Variants in DPY19L3 observed in about 807,000 individuals in gnomAD.
The protein encoded by DPY19L3 is dpy-19 like C-mannosyltransferase 3.
DPY19L3 carries 51 observed loss-of-function variants against 92.3 expected under a neutral mutation model. The ratio of observed to expected loss-of-function variants is 0.55; its 90% CI spans 0.44 to 0.70. The LOEUF (loss-of-function observed/expected upper bound fraction) is 0.70. DPY19L3 is among the 30% of genes least tolerant of loss of function. The pLI, the probability that DPY19L3 is intolerant of heterozygous loss-of-function variation, is 0.00. For synonymous variants in DPY19L3, 309 were observed against 315.2 expected (o/e 0.98, Z 0.21); for missense variants, 706 against 855.9 (o/e 0.82, Z 2.18).
intron 12 of DPY19L3, among the ~76,000 whole-genome samples, chr19:32,459,187 A>G (rs985000139): frequency 2.0e-5 from 3 of 152,246 alleles, no homozygotes; most frequent in Admixed American, 1.3e-4. Context: ...AAAGAAAAAA[A>G]TCAGGAGTAT....
chr19:32,437,584 C>T (rs1969184139), intron 6 of DPY19L3, among the ~76,000 whole-genome samples: 1 of 152,080 alleles, frequency 6.6e-6, no homozygotes, highest in African/African-American at 2.4e-5. Flanking sequence ...TCATAATAAT[C>T]CCAAACCTAT....
chr19:32,454,860 C>A, intron 9 of DPY19L3, 79 bp from the exon 10 acceptor site: 1 of 936,984 alleles, frequency 1.1e-6, no homozygotes, highest in South Asian at 1.6e-5. Flanking sequence ...GTTTTTAAAT[C>A]CTTAAGTAAG....
intron 8 of DPY19L3, among the ~76,000 whole-genome samples, chr19:32,451,422 T>C (rs1009823177): frequency 2.6e-5 from 4 of 152,170 alleles, no homozygotes; most frequent in South Asian, 2.1e-4. Context: ...AGATACATTA[T>C]CTTTATGATC....
chr19:32,440,192 A>AAT (rs1375980746), intron 8 of DPY19L3, among the ~76,000 whole-genome samples: 4 of 152,256 alleles, frequency 2.6e-5, no homozygotes, highest in Admixed American at 2.6e-4. Context: ...TAAATTTTAA[A>AAT]ATATAAGATA....
At position 32,463,894 on chromosome 19, in the gene DPY19L3, A is replaced by G. The variant is rs1275470224; in HGVS notation, c.1471A>G (p.Met491Val). 9 of 1,613,360 alleles carry G rather than the reference A, an allele frequency of 5.6e-6. No homozygotes were observed. The South Asian group carries it at 7.7e-5, about 14-fold the overall frequency. The change falls in exon 14 of 19, where the codon ATG (methionine) becomes GTG (valine). Residue 491 changes from methionine (M) to valine (V), a missense_variant. Physicochemically the swap from Met to Val is conservative, Grantham distance 21. Coordinates refer to ENST00000392250, the MANE Select transcript of DPY19L3 (RefSeq NM_001172774.2). ...MRMKYLWTSH[M>V]CVFASFGLCS... Reference sequence around the variant, plus strand: ...AATGAAGTACCTCTGGACGTCACACATGTGTGTGTTCGCATCATTCGGCCT... The same window carrying G: ...AATGAAGTACCTCTGGACGTCACACGTGTGTGTGTTCGCATCATTCGGCCT...
intron 13 of DPY19L3, 60 bp from the exon 14 acceptor site, chr19:32,463,809 C>A: frequency 7.0e-7 from 1 of 1,426,016 alleles, no homozygotes; most frequent in Non-Finnish European, 9.9e-7. Context: ...ATAGGTGTCT[C>A]AGAATCCAGG....
Position 32,408,352 on chromosome 19 carries a change from A to T in DPY19L3, c.99A>T (p.Pro33=), listed in dbSNP as rs374694481. 1 of 1,612,120 alleles carries T rather than the reference A, an allele frequency of 6.2e-7. No homozygotes were observed. The highest frequency in any genetic ancestry group is 1.3e-5 in the African/African-American group (1 of 74,976). ...EENVKLENKL[P]SGCTSRRLWK... is the part of the protein sequence containing the mutation. Reference sequence around the variant, plus strand: ...ATGTGAAGTTGGAAAATAAATTGCCATCTGGTAGGTGATTTAAACTAAAGC... The same window carrying T: ...ATGTGAAGTTGGAAAATAAATTGCCTTCTGGTAGGTGATTTAAACTAAAGC... The change falls in exon 2 of 19, where the codon CCA becomes CCT. Residue 33 remains proline, a synonymous_variant. Transcript: ENST00000392250.
chr19:32,414,361 C>T (rs1286449708), intron 3 of DPY19L3, among the ~76,000 whole-genome samples: 2 of 151,210 alleles, frequency 1.3e-5, no homozygotes, highest in Non-Finnish European at 2.9e-5. Context: ...GCGGAGCTTG[C>T]AGTGAGCCGT....
At position 32,419,620 on chromosome 19, in the gene DPY19L3, GAC is replaced by G. The variant is rs528153607; in HGVS notation, c.237+8250_237+8251del. On this transcript the variant is annotated intron_variant, in intron 3 of 18. Transcript: ENST00000392250. Reference sequence around the variant, plus strand: ...AGCTAATTTTTTCATTTTTTGTAGAGACAGAGTCTCACTTTGTTGTACAGGCT... The same window carrying G: ...AGCTAATTTTTTCATTTTTTGTAGAGAGAGTCTCACTTTGTTGTACAGGCT... 2.0e-5 allele frequency among the ~76,000 whole-genome samples: 3 copies of G among 151,812 alleles called. No individual in the cohort carries two copies. The South Asian group carries it at 6.2e-4, about 32-fold the overall frequency.
intron 16 of DPY19L3, among the ~76,000 whole-genome samples, chr19:32,472,785 A>G (rs1422553263): frequency 1.3e-5 from 2 of 152,190 alleles, no homozygotes; most frequent in Admixed American, 6.5e-5. Flanking sequence ...CATTTTAGCT[A>G]CTTCACTTTA....
intron 3 of DPY19L3, among the ~76,000 whole-genome samples, chr19:32,421,788 C>T (rs1968580199): frequency 6.6e-6 from 1 of 152,058 alleles, no homozygotes; most frequent in East Asian, 1.9e-4. Flanking sequence ...TAGTGGCAGC[C>T]GCTATCTTGG....
chr19:32,444,665 C>T (rs1969428328), intron 8 of DPY19L3, among the ~76,000 whole-genome samples: 2 of 152,122 alleles, frequency 1.3e-5, no homozygotes. Context: ...AATAGAGCCA[C>T]ACTAAGACAC....
intron 2 of DPY19L3, among the ~76,000 whole-genome samples, chr19:32,408,631 C>A (rs1048103528): frequency 3.3e-5 from 5 of 152,180 alleles, no homozygotes; most frequent in African/African-American, 9.7e-5. Flanking sequence ...ATGGTCCCCC[C>A]ACCCACACCC....
chr19:32,468,858 A>G (rs1166496325), intron 16 of DPY19L3, 45 bp downstream of exon 16: 2 of 1,600,590 alleles, frequency 1.2e-6, no homozygotes, highest in Non-Finnish European at 1.7e-6. Context: ...GTGCCTTTTA[A>G]GAGTCACTAT....
At chr19:32,480,264 C>A in intron 17 of DPY19L3, 135 bp from the exon 18 acceptor site, 1 of 922,776 alleles carries the variant, frequency 1.1e-6, no homozygotes, top group Non-Finnish European at 1.6e-6. Context: ...TGAGCGAGTG[C>A]AGCGTGGCCT....
At chr19:32,448,722 G>A (rs933730245) in intron 8 of DPY19L3, among the ~76,000 whole-genome samples, 4 of 152,206 alleles carry the variant, frequency 2.6e-5, no homozygotes, top group Non-Finnish European at 5.9e-5. Flanking sequence ...TGTCTCGGGA[G>A]TAGCAGAGGC....
intron 2 of DPY19L3, among the ~76,000 whole-genome samples, chr19:32,410,761 C>T (rs537636102): frequency 1.3e-5 from 2 of 152,226 alleles, no homozygotes; most frequent in African/African-American, 4.8e-5. Flanking sequence ...CCATCTTGGG[C>T]AACAGAACAA....
At chr19:32,435,483 A>G (rs1463451888) in intron 4 of DPY19L3, among the ~76,000 whole-genome samples, 3 of 152,222 alleles carry the variant, frequency 2.0e-5, no homozygotes, top group Non-Finnish European at 4.4e-5. Flanking sequence ...ATTCCTAGAC[A>G]TGGGCTTTCT....
intron 3 of DPY19L3, among the ~76,000 whole-genome samples, chr19:32,414,187 G>A (rs556837584): frequency 3.3e-5 from 5 of 152,182 alleles, no homozygotes; most frequent in South Asian, 4.1e-4. Context: ...TTGGGAGGCC[G>A]TGGCGGGCGG....
Sources: allele counts gnomAD v4.1 joint callset (sites outside exome capture counted in the v4.1 genomes callset), GRCh38; gene constraint gnomAD v4.1.1; transcripts MANE v1.5; gene names NCBI Gene and HGNC (gene_info 2026-07-23, HGNC 2026-07-21).